The following WASHC5 variants were observed in gnomAD, a reference collection of about 807,000 sequenced individuals.
The protein encoded by WASHC5 is WASH complex subunit 5, also known as WASH complex subunit strumpellin.
Under a neutral mutation model 150.4 loss-of-function variants are expected in WASHC5, and 101 were observed. The ratio of observed to expected loss-of-function variants is 0.67; its 90% CI spans 0.57 to 0.79. The LOEUF is 0.79. WASHC5 is among the 30% of genes least tolerant of loss of function. The pLI is 0.00. For missense variants in WASHC5, 1,195 were observed against 1,396.3 expected (o/e 0.86, Z 2.30); for synonymous variants, 467 against 491.2 (o/e 0.95, Z 0.65).
intron 25 of WASHC5, among the ~76,000 whole-genome samples, chr8:125,037,973 T>TGCTGCCTGGTCACG (rs1316629322): frequency 2.2e-4 from 34 of 152,316 alleles, no homozygotes; most frequent in African/African-American, 8.2e-4. Context: ...GCAGGGGCTC[T>TGCTGCCTGGTCACG]GGTCAGACTG....
At chr8:125,030,332 G>A (rs1307697948) in intron 27 of WASHC5, among the ~76,000 whole-genome samples, 1 of 152,112 alleles carries the variant, frequency 6.6e-6, no homozygotes, top group African/African-American at 2.4e-5. Context: ...CTTCGTGATT[G>A]TTACAATTTC....
chr8:125,057,080 T>C (rs1816429522), intron 15 of WASHC5, among the ~76,000 whole-genome samples: 1 of 152,204 alleles, frequency 6.6e-6, no homozygotes, highest in African/African-American at 2.4e-5. Flanking sequence ...GGTTCAAAAA[T>C]GTTAAGTAAC....
intron 27 of WASHC5, among the ~76,000 whole-genome samples, chr8:125,029,889 C>G (rs1815477674): frequency 6.6e-6 from 1 of 152,172 alleles, no homozygotes; most frequent in South Asian, 2.1e-4. Context: ...AATGACTGTA[C>G]CTGGAAAAAT....
intron 10 of WASHC5, 105 bp downstream of exon 10, chr8:125,067,487 A>C: frequency 4.1e-6 from 4 of 964,834 alleles, no homozygotes; most frequent in Non-Finnish European, 6.5e-6. Context: ...TCAAATCTGT[A>C]CCTTGAATCA....
intron 26 of WASHC5, among the ~76,000 whole-genome samples, chr8:125,032,866 G>C (rs988056927): frequency 1.8e-4 from 28 of 151,562 alleles, no homozygotes; most frequent in Admixed American, 7.3e-4. Flanking sequence ...GAAATCAAGA[G>C]AGTGGAAGAA....
intron 20 of WASHC5, among the ~76,000 whole-genome samples, chr8:125,045,931 AAAG>A (rs1368417700): frequency 6.6e-6 from 1 of 152,228 alleles, no homozygotes; most frequent in African/African-American, 2.4e-5. Flanking sequence ...GGCTACCAAG[AAAG>A]AAGGAGCTAT....
intron 1 of WASHC5, among the ~76,000 whole-genome samples, chr8:125,089,516 G>C (rs529835856): frequency 3.3e-4 from 51 of 152,306 alleles, no homozygotes; most frequent in African/African-American, 1.2e-3. Flanking sequence ...ACACAAGCTT[G>C]CTCTAGACTC....
At position 125,052,842 on chromosome 8, in the gene WASHC5, C is replaced by T. The variant is rs143950737; in HGVS notation, c.2098-2177G>A. ...TGGGGTTACATTCCAATAAAATCGT[C>T]GTAAGTTGAAAATATCAGAAGTCAA... is the stretch of plus-strand genomic sequence containing the variant. On this transcript the variant is annotated intron_variant, in intron 17 of 28. Coordinates refer to ENST00000318410, the MANE Select transcript of WASHC5 (RefSeq NM_014846.4). Among the ~76,000 whole-genome samples, 489 of 152,206 alleles carry T rather than the reference C, an allele frequency of 3.2e-3. 2 individuals are homozygous for T. Among genetic ancestry groups the T allele is most frequent in the African/African-American group, 0.011 (468 of 41,544 alleles).
At chr8:125,042,933 T>C (rs921541453) in intron 23 of WASHC5, among the ~76,000 whole-genome samples, 5 of 152,186 alleles carry the variant, frequency 3.3e-5, no homozygotes, top group Non-Finnish European at 7.3e-5. Context: ...TACCAATGAG[T>C]GCTGTCTCAA....
intron 26 of WASHC5, among the ~76,000 whole-genome samples, chr8:125,035,235 G>T (rs779274075): frequency 4.6e-5 from 7 of 152,132 alleles, no homozygotes; most frequent in Non-Finnish European, 8.8e-5. Context: ...GATACATAAA[G>T]ATTTTGTTGT....
intron 1 of WASHC5, among the ~76,000 whole-genome samples, chr8:125,086,199 G>A (rs947298363): frequency 6.6e-6 from 1 of 152,152 alleles, no homozygotes; most frequent in Admixed American, 6.5e-5. Context: ...TTCTGGAGGC[G>A]AGAACTTCAA....
intron 17 of WASHC5, among the ~76,000 whole-genome samples, chr8:125,053,673 T>A (rs1345382343): frequency 1.3e-5 from 2 of 152,182 alleles, no homozygotes; most frequent in Non-Finnish European, 2.9e-5. Flanking sequence ...TCCATTTAGG[T>A]ACATTTCCTC....
chr8:125,057,180 C>A (rs10113495), intron 15 of WASHC5, among the ~76,000 whole-genome samples: 16,937 of 152,090 alleles, frequency 0.11, 2,204 homozygotes, highest in African/African-American at 0.31. Flanking sequence ...TTTATTAAAA[C>A]GAGAATCAAA....
intron 15 of WASHC5, 102 bp downstream of exon 15, chr8:125,057,454 G>C: frequency 1.2e-6 from 1 of 806,222 alleles, no homozygotes; most frequent in Non-Finnish European, 2.1e-6. Context: ...TTTTAAAAGG[G>C]AAAGAGACAC....
intron 23 of WASHC5, among the ~76,000 whole-genome samples, chr8:125,040,201 T>G (rs570320220): frequency 3.3e-5 from 5 of 152,218 alleles, no homozygotes; most frequent in Non-Finnish European, 7.3e-5. Context: ...ATGTCTTTTT[T>G]GAAGCTATAT....
At position 125,078,877 on chromosome 8, in the gene WASHC5, C is replaced by T. The variant is rs1586384678; in HGVS notation, c.572G>A (p.Arg191Gln). 4 of 1,613,806 alleles carry T rather than the reference C, an allele frequency of 2.5e-6. No homozygotes were observed. Among genetic ancestry groups the T allele is most frequent in the South Asian group, 1.1e-5 (1 of 91,068 alleles). The change falls in exon 6 of 29, where the codon CGA becomes CAA. Residue 191 changes from arginine to glutamine, a missense_variant. Arg to Gln is a conservative substitution (Grantham distance 43, BLOSUM62 1). Around this residue, in one of 3 missense-constraint regions of WASHC5, gnomAD observed 3 missense variants for 21.3 expected, o/e 0.14. Coordinates refer to ENST00000318410, the MANE Select transcript of WASHC5 (RefSeq NM_014846.4). ...TGGTTGGCTAGAATAACCTGTACTTCGAAGCAGCTTACAAATATCGTCCAT... is the reference window on the plus strand; with the variant it reads ...TGGTTGGCTAGAATAACCTGTACTTTGAAGCAGCTTACAAATATCGTCCAT... ...SNMDDICKLL[R>Q]STGYSSQPGA...
intron 5 of WASHC5, among the ~76,000 whole-genome samples, chr8:125,081,372 G>A (rs1005801342): frequency 6.6e-6 from 1 of 151,584 alleles, no homozygotes; most frequent in Non-Finnish European, 1.5e-5. Context: ...TGAGTACCTG[G>A]AATTACAGGC....
At position 125,081,770 on chromosome 8, in the gene WASHC5, A is replaced by C. The variant is rs760094704; in HGVS notation, c.418-9T>G. 7.5e-5 allele frequency: 117 copies of C among 1,552,818 alleles called. No homozygotes were observed. The East Asian group carries it at 2.5e-3, about 33-fold the overall frequency. On this transcript the variant is annotated splice_polypyrimidine_tract_variant and intron_variant, in intron 4 of 28. Coordinates refer to ENST00000318410, the MANE Select transcript of WASHC5 (RefSeq NM_014846.4). ...AAGTACAGTGCTTCACACTAAGAAG[A>C]GAAGAGGACAAAAGCCAAAATCACT...
intron 10 of WASHC5, 22 bp from the exon 11 acceptor site, chr8:125,063,673 T>C (rs1816667846): frequency 5.0e-6 from 8 of 1,611,368 alleles, no homozygotes; most frequent in African/African-American, 4.0e-5. Context: ...ACAGAAAATA[T>C]TTATTTACTT....
Sources: allele counts gnomAD v4.1 joint callset (sites outside exome capture counted in the v4.1 genomes callset), GRCh38; gene constraint gnomAD v4.1.1; regional missense constraint gnomAD v4.1.1; transcripts MANE v1.5; gene names NCBI Gene and HGNC (gene_info 2026-07-23, HGNC 2026-07-21).